The following XKR4 variants were observed in gnomAD, a reference collection of about 807,000 sequenced individuals.
XKR4 encodes XK-related protein 4.
In XKR4, 12 loss-of-function variants were observed where a neutral mutation model predicts 53.9. The observed-to-expected ratio is 0.22, with a 90% confidence interval of 0.14 to 0.36. The LOEUF (loss-of-function observed/expected upper bound fraction) is 0.36, where lower values mean the gene tolerates loss of function less well. Ranked by LOEUF, XKR4 falls within the 10% of genes least tolerant of loss-of-function variation. The probability of loss-of-function intolerance (pLI) is 1.00; values close to 1 mark genes in which losing one functional copy is unlikely to be tolerated. For synonymous variants in XKR4, 354 were observed against 362.4 expected (o/e 0.98, Z 0.26); for missense variants, 799 against 859.5 (o/e 0.93, Z 0.88).
rs570461508 is a variant in XKR4 at position 55,185,086 on chromosome 8, G to T, written c.806+81792G>T. On this transcript the variant is annotated intron_variant, in intron 1 of 2. Coordinates refer to ENST00000327381, the MANE Select transcript of XKR4 (RefSeq NM_052898.2). ...AAACAATAGTTTCTGCACATAAACTGATCTGAGCCATTGTATTTTTAAGCA... is the reference window on the plus strand; with the variant it reads ...AAACAATAGTTTCTGCACATAAACTTATCTGAGCCATTGTATTTTTAAGCA... 1.2e-4 allele frequency among the ~76,000 whole-genome samples: 19 copies of T among 152,276 alleles called. No individual in the cohort carries two copies. In the East Asian group the frequency reaches 3.7e-3, roughly 29 times the overall value.
At position 55,118,632 on chromosome 8, in the gene XKR4, C is replaced by T. The variant is rs143438294; in HGVS notation, c.806+15338C>T. On this transcript the variant is annotated intron_variant, in intron 1 of 2. Coordinates refer to ENST00000327381, the MANE Select transcript of XKR4 (RefSeq NM_052898.2). ...TAGTCTTTGTATAAACAATGCCAAA[C>T]GTTCATTTCTAAAAATCAAAAGAAT... 1.6e-3 allele frequency among the ~76,000 whole-genome samples: 239 copies of T among 152,278 alleles called. 1 individual carries two copies. Among genetic ancestry groups the T allele is most frequent in the African/African-American group, 5.6e-3 (233 of 41,554 alleles).
chr8:55,324,827 C>A, intron 1 of XKR4, among the ~76,000 whole-genome samples: 1 of 152,172 alleles, frequency 6.6e-6, no homozygotes, highest in Non-Finnish European at 1.5e-5. Flanking sequence ...AACTCTGATT[C>A]AAAAATCCAT....
At chr8:55,192,752 G>A (rs1443699076) in intron 1 of XKR4, among the ~76,000 whole-genome samples, 3 of 152,152 alleles carry the variant, frequency 2.0e-5, no homozygotes, top group Non-Finnish European at 4.4e-5. Flanking sequence ...TGGGGCAAAT[G>A]GGGGTGAGAA....
chr8:55,438,589 T>A (rs13259651), intron 2 of XKR4, among the ~76,000 whole-genome samples: 78 of 76,884 alleles, frequency 1.0e-3, no homozygotes, highest in African/African-American at 2.1e-3. Flanking sequence ...GACTCCATCT[T>A]GAAAAAAAAA....
intron 1 of XKR4, among the ~76,000 whole-genome samples, chr8:55,211,226 G>T (rs1041157097): frequency 6.6e-6 from 1 of 152,122 alleles, no homozygotes; most frequent in Non-Finnish European, 1.5e-5. Context: ...TAGATAGAAG[G>T]TCCTAAAGCA....
At chr8:55,500,713 G>T (rs1370442135) in intron 2 of XKR4, among the ~76,000 whole-genome samples, 4 of 152,186 alleles carry the variant, frequency 2.6e-5, no homozygotes, top group Non-Finnish European at 5.9e-5. Flanking sequence ...TCTGGTGTCT[G>T]ACAGGGACAC....
At chr8:55,445,873 C>G (rs79201276) in intron 2 of XKR4, among the ~76,000 whole-genome samples, 2 of 152,172 alleles carry the variant, frequency 1.3e-5, no homozygotes, top group African/African-American at 2.4e-5. Flanking sequence ...CAGTACGAAG[C>G]CTTGCTAAAT....
In XKR4 at chr8:55,277,529, C is replaced by T. The variant is rs979472827; in HGVS notation, c.807-80149C>T. 9.9e-5 allele frequency among the ~76,000 whole-genome samples: 15 copies of T among 152,152 alleles called. No individual in the cohort carries two copies. In the East Asian group the frequency reaches 2.7e-3, roughly 27 times the overall value. On this transcript the variant is annotated intron_variant, in intron 1 of 2. Transcript: ENST00000327381. ...ATTTCTACTTTATGTACACCTTATA[C>T]ACATAGCCTGAAGTTAATTTTATAT...
intron 1 of XKR4, among the ~76,000 whole-genome samples, chr8:55,201,458 T>C (rs1325660902): frequency 2.0e-5 from 3 of 152,214 alleles, no homozygotes; most frequent in African/African-American, 4.8e-5. Context: ...TGGAGAGTAA[T>C]TTAAAATTTG....
At chr8:55,472,637 T>C (rs1435965866) in intron 2 of XKR4, among the ~76,000 whole-genome samples, 24 of 152,050 alleles carry the variant, frequency 1.6e-4, no homozygotes, top group Admixed American at 1.6e-3. Flanking sequence ...AGAGGAGCAC[T>C]TCGTAGACAA....
chr8:55,304,224 A>C (rs955757166), intron 1 of XKR4, among the ~76,000 whole-genome samples: 1 of 152,186 alleles, frequency 6.6e-6, no homozygotes, highest in Non-Finnish European at 1.5e-5. Flanking sequence ...GTTTCAAAGA[A>C]CATCGTTATT....
intron 1 of XKR4, among the ~76,000 whole-genome samples, chr8:55,257,931 C>T (rs1818463792): frequency 6.6e-6 from 1 of 152,214 alleles, no homozygotes. Context: ...TTCCTGCCCC[C>T]AGTGGGAATC....
In XKR4 at chr8:55,332,753, C is replaced by T. The variant is rs931482028; in HGVS notation, c.807-24925C>T. ...ATTCAGCTGTTTGTATTTGTATACA[C>T]GTATCTTTCCTGAAATTCAGGAAGT... On this transcript the variant is annotated intron_variant, in intron 1 of 2. Transcript: ENST00000327381. Among the ~76,000 whole-genome samples, 13 of 151,890 alleles carry T rather than the reference C, an allele frequency of 8.6e-5. No homozygotes were observed. In the East Asian group the frequency reaches 1.3e-3, roughly 16 times the overall value.
intron 1 of XKR4, among the ~76,000 whole-genome samples, chr8:55,157,324 G>A (rs1429421419): frequency 6.6e-6 from 1 of 151,906 alleles, no homozygotes; most frequent in Non-Finnish European, 1.5e-5. Flanking sequence ...CTTTTTCTTA[G>A]GAATAAAGAA....
intron 1 of XKR4, among the ~76,000 whole-genome samples, chr8:55,121,864 C>T (rs1036803501): frequency 1.2e-4 from 17 of 143,090 alleles, no homozygotes; most frequent in Admixed American, 9.8e-4. Flanking sequence ...ACACACACAC[C>T]CCTTTGACAT....
chr8:55,490,473 A>C (rs10098966), intron 2 of XKR4, among the ~76,000 whole-genome samples: 54,468 of 151,982 alleles, frequency 0.36, 12,003 homozygotes, highest in African/African-American at 0.64. Context: ...TGCTTAGTAC[A>C]TGATGACAGG....
chr8:55,345,899 T>C (rs1185027090), intron 1 of XKR4, among the ~76,000 whole-genome samples: 1 of 152,066 alleles, frequency 6.6e-6, no homozygotes, highest in African/African-American at 2.4e-5. Context: ...AATAGAAGGT[T>C]ATCCAATTCA....
chr8:55,411,077 T>C (rs1016969301), intron 2 of XKR4, among the ~76,000 whole-genome samples: 1 of 152,204 alleles, frequency 6.6e-6, no homozygotes, highest in African/African-American at 2.4e-5. Context: ...TACCCCTATT[T>C]AGTAATTATT....
At position 55,241,459 on chromosome 8, in the gene XKR4, A is replaced by G. The variant is rs977577835; in HGVS notation, c.807-116219A>G. On this transcript the variant is annotated intron_variant, in intron 1 of 2. Coordinates refer to ENST00000327381, the MANE Select transcript of XKR4 (RefSeq NM_052898.2). ...TTCTCTGTCTTCACTGCAGTCCATCAGCCCAGGCACATGACCAATCCCTGG... is the reference window on the plus strand; with the variant it reads ...TTCTCTGTCTTCACTGCAGTCCATCGGCCCAGGCACATGACCAATCCCTGG... Among the ~76,000 whole-genome samples, 32 of 150,752 alleles carry G rather than the reference A, an allele frequency of 2.1e-4. 1 individual carries two copies. The highest frequency in any genetic ancestry group is 2.1e-3 in the Admixed American group (32 of 15,124).
Sources: gnomAD v4.1 joint callset for allele counts (sites outside exome capture counted in the v4.1 genomes callset) on GRCh38, gnomAD v4.1.1 for gene constraint, MANE v1.5 for transcripts, NCBI Gene and HGNC (gene_info 2026-07-23, HGNC 2026-07-21) for gene names.